The following ITGBL1 variants were observed in gnomAD, a reference collection of about 807,000 sequenced individuals.
ITGBL1 encodes integrin subunit beta like 1.
A neutral mutation model predicts 68.5 loss-of-function variants in ITGBL1; 51 were observed. That is an observed-to-expected ratio of 0.74 (90% CI 0.59 to 0.94). The LOEUF is 0.94. Among genes scored for constraint, ITGBL1 ranks in the 40% least tolerant of loss-of-function variants. ITGBL1 has a pLI of 0.00. For missense variants in ITGBL1, 649 were observed against 647.4 expected (o/e 1.00, Z -0.03); for synonymous variants, 209 against 227.3 (o/e 0.92, Z 0.72).
At chr13:101,619,178 A>C (rs77459101) in intron 7 of ITGBL1, among the ~76,000 whole-genome samples, 2,863 of 152,240 alleles carry the variant, frequency 0.019, 87 homozygotes, top group African/African-American at 0.064. Flanking sequence ...GCACAACAGG[A>C]CAAAATAATT....
Position 101,454,009 on chromosome 13 carries a change from C to T in ITGBL1, c.225C>T (p.Ile75=), listed in dbSNP as rs896749066. The change falls in exon 2 of 11, where the codon ATC becomes ATT. Residue 75 remains isoleucine, a synonymous_variant. Coordinates refer to ENST00000376180, the MANE Select transcript of ITGBL1 (RefSeq NM_004791.3). ...GCCGCTGCGACTGCGGCGTCTGCAT[C>T]TGCCACGTGACTGAGCCGGGCATGT... ...GRGRCDCGVC[I]CHVTEPGMFF... is the part of the protein sequence containing the mutation. 3.9e-5 allele frequency: 62 copies of T among 1,575,994 alleles called. No homozygotes were observed. The highest frequency in any genetic ancestry group is 5.3e-5 in the Non-Finnish European group (62 of 1,161,652).
rs775831147 is a variant in ITGBL1, at chr13:101,579,381, C to T, written c.681C>T (p.Ser227=). 5 of 1,613,862 alleles carry T rather than the reference C, an allele frequency of 3.1e-6. No homozygotes were observed. The highest frequency in any genetic ancestry group is 1.1e-5 in the South Asian group (1 of 91,080). The change falls in exon 5 of 11, where the codon AGC becomes AGT. Residue 227 remains serine, a synonymous_variant. Coordinates refer to ENST00000376180, the MANE Select transcript of ITGBL1 (RefSeq NM_004791.3). Reference sequence around the variant, plus strand: ...AGTGCGATATCACCCCCTGGGAAAGCAAGCGAAGATGCACGTCTCCAGATG... The same window carrying T: ...AGTGCGATATCACCCCCTGGGAAAGTAAGCGAAGATGCACGTCTCCAGATG... ...EFQCDITPWE[S]KRRCTSPDGK...
chr13:101,570,964 C>T (rs1367175557), intron 3 of ITGBL1, among the ~76,000 whole-genome samples: 8 of 152,122 alleles, frequency 5.3e-5, no homozygotes. Context: ...TATCTTGACA[C>T]TAGTAAATAT....
chr13:101,562,172 T>G (rs1344667726), intron 2 of ITGBL1, among the ~76,000 whole-genome samples: 1 of 152,066 alleles, frequency 6.6e-6, no homozygotes, highest in Non-Finnish European at 1.5e-5. Context: ...AGATATATAA[T>G]GTATACACTA....
At chr13:101,473,361 G>A (rs1215151132) in intron 2 of ITGBL1, among the ~76,000 whole-genome samples, 3 of 152,190 alleles carry the variant, frequency 2.0e-5, no homozygotes, top group Admixed American at 6.5e-5. Flanking sequence ...AGAGGGAACA[G>A]TGATTGTGGA....
At chr13:101,586,189 C>T (rs1385921894) in intron 6 of ITGBL1, among the ~76,000 whole-genome samples, 1 of 152,198 alleles carries the variant, frequency 6.6e-6, no homozygotes, top group Non-Finnish European at 1.5e-5. Flanking sequence ...TCCCCTCCAA[C>T]CCCTCTTCCC....
In ITGBL1 at chr13:101,706,756, G is replaced by A. The variant is rs1258945328; in HGVS notation, c.1133G>A (p.Gly378Asp). The A allele has an allele frequency of 6.2e-7, 1 of 1,613,754 alleles. No homozygotes were observed. Among genetic ancestry groups the A allele is most frequent in the South Asian group, 1.1e-5 (1 of 91,032 alleles). The part of the protein sequence containing the change: ...CEDLDGVVCG[G>D]HGTCSCGRCV... ...CTCCTTTCCTGTGGTTGCTTCACAGGCCACGGCACATGTTCCTGTGGTCGC... is the reference window on the plus strand; with the variant it reads ...CTCCTTTCCTGTGGTTGCTTCACAGACCACGGCACATGTTCCTGTGGTCGC... The change falls in exon 9 of 11, where the codon GGC becomes GAC. Residue 378 changes from glycine (G) to aspartate (D), a missense_variant and splice_region_variant. Physicochemically the swap from Gly to Asp is moderately conservative, Grantham distance 94. Transcript: ENST00000376180.
Position 101,598,170 on chromosome 13 carries a change from T to C in ITGBL1, c.886T>C (p.Cys296Arg). ...DFCSGHGQCN[C>R]GRCDCKAGWY... Reference sequence around the variant, plus strand: ...CTGTGAAGGTCATGGACAGTGTAATTGCGGAAGATGTGACTGCAAAGCAGG... The same window carrying C: ...CTGTGAAGGTCATGGACAGTGTAATCGCGGAAGATGTGACTGCAAAGCAGG... The change falls in exon 7 of 11, where the codon TGC becomes CGC. Residue 296 changes from cysteine to arginine, a missense_variant. Physicochemically the swap from Cys to Arg is radical, Grantham distance 180. Coordinates refer to ENST00000376180, the MANE Select transcript of ITGBL1 (RefSeq NM_004791.3). 1 of 1,613,430 alleles carries C rather than the reference T, an allele frequency of 6.2e-7. No individual in the cohort carries two copies.
chr13:101,588,104 C>G (rs1316856346), intron 6 of ITGBL1, among the ~76,000 whole-genome samples: 1 of 152,126 alleles, frequency 6.6e-6, no homozygotes, highest in Non-Finnish European at 1.5e-5. Context: ...TACAAATAAA[C>G]AAGAAAAAGT....
At chr13:101,562,240 T>G (rs1179247847) in intron 2 of ITGBL1, among the ~76,000 whole-genome samples, 1 of 149,652 alleles carries the variant, frequency 6.7e-6, no homozygotes, top group Non-Finnish European at 1.5e-5. Flanking sequence ...TAAAAAATAA[T>G]GCTCAATAAA....
chr13:101,616,356 G>A (rs1194533664), intron 7 of ITGBL1, among the ~76,000 whole-genome samples: 1 of 152,174 alleles, frequency 6.6e-6, no homozygotes, highest in Non-Finnish European at 1.5e-5. Flanking sequence ...GATCTCCAGT[G>A]TGAATATGAA....
At position 101,706,997 on chromosome 13, in the gene ITGBL1, G is replaced by T. The variant is rs991473639; in HGVS notation, c.1279+95G>T. ...AACTGTCTTTCCCAGACTGAACTTT[G>T]CATGAAAGCAAACCACTATGTCCTC... On this transcript the variant is annotated intron_variant, in intron 9 of 10. Transcript: ENST00000376180. 5.2e-6 allele frequency: 7 copies of T among 1,338,072 alleles called. No homozygotes were observed. In the African/African-American group the frequency reaches 8.7e-5, roughly 17 times the overall value. The allele number at this position is 1,338,072 out of a possible 1,614,324, so 82.9% of individuals were successfully genotyped here.
chr13:101,528,334 G>A (rs1454094165), intron 2 of ITGBL1, among the ~76,000 whole-genome samples: 1 of 151,422 alleles, frequency 6.6e-6, no homozygotes, highest in Non-Finnish European at 1.5e-5. Context: ...CTCTAATTTA[G>A]AATATTGTAA....
chr13:101,471,056 A>G lies in ITGBL1; in HGVS notation c.316+16956A>G, dbSNP rs1001590033. Among the ~76,000 whole-genome samples the G allele has an allele frequency of 7.9e-5, 12 of 152,242 alleles. No homozygotes were observed. In the East Asian group the frequency reaches 9.6e-4, roughly 12 times the overall value. On this transcript the variant is annotated intron_variant, in intron 2 of 10. Coordinates refer to ENST00000376180, the MANE Select transcript of ITGBL1 (RefSeq NM_004791.3). ...ATTTAGTACAGTGACACTGGCTAACAAATGCCCCAAGAAGTATTAAATCTC... is the reference window on the plus strand; with the variant it reads ...ATTTAGTACAGTGACACTGGCTAACGAATGCCCCAAGAAGTATTAAATCTC...
intron 7 of ITGBL1, among the ~76,000 whole-genome samples, chr13:101,689,164 C>T (rs2033822321): frequency 7.4e-6 from 1 of 135,376 alleles, no homozygotes; most frequent in Non-Finnish European, 1.5e-5. Flanking sequence ...AAGATTGCAA[C>T]ACTGCACTGC....
At chr13:101,543,571 G>A (rs564567486) in intron 2 of ITGBL1, among the ~76,000 whole-genome samples, 24 of 152,092 alleles carry the variant, frequency 1.6e-4, no homozygotes, top group Middle Eastern at 6.8e-3. Flanking sequence ...TCTTTGTGGC[G>A]TTCTCTGTAT....
intron 7 of ITGBL1, among the ~76,000 whole-genome samples, chr13:101,668,496 G>A (rs540121639): frequency 6.6e-6 from 1 of 152,334 alleles, no homozygotes; most frequent in South Asian, 2.1e-4. Context: ...AAGAAAAACA[G>A]CTGTATTTTC....
intron 8 of ITGBL1, among the ~76,000 whole-genome samples, chr13:101,698,032 A>G (rs2034042972): frequency 6.6e-6 from 1 of 152,170 alleles, no homozygotes; most frequent in South Asian, 2.1e-4. Context: ...TCTTACTAAT[A>G]TGAGAATGTG....
At chr13:101,670,007 T>C (rs998166832) in intron 7 of ITGBL1, among the ~76,000 whole-genome samples, 3 of 152,266 alleles carry the variant, frequency 2.0e-5, no homozygotes, top group Non-Finnish European at 2.9e-5. Flanking sequence ...TGCCTTTTTT[T>C]CCCCCTCCAG....
Sources: allele counts gnomAD v4.1 joint callset (sites outside exome capture counted in the v4.1 genomes callset), GRCh38; gene constraint gnomAD v4.1.1; transcripts MANE v1.5; gene names NCBI Gene and HGNC (gene_info 2026-07-23, HGNC 2026-07-21).